DOCK3: variants seen among roughly 807,000 people sequenced by gnomAD.
The protein encoded by DOCK3 is dedicator of cytokinesis protein 3.
A neutral mutation model predicts 265.6 loss-of-function variants in DOCK3; 60 were observed. The observed-to-expected ratio is 0.23, with a 90% confidence interval of 0.18 to 0.28. The LOEUF (loss-of-function observed/expected upper bound fraction) is 0.28, where lower values mean the gene tolerates loss of function less well. Among genes scored for constraint, DOCK3 ranks in the 10% least tolerant of loss-of-function variants. DOCK3 has a pLI of 1.00. For synonymous variants in DOCK3, 881 were observed against 938.0 expected (o/e 0.94, Z 1.11); for missense variants, 1,981 against 2,594.3 (o/e 0.76, Z 5.14).
Position 50,948,026 on chromosome 3 carries a change from T to TCA in DOCK3, c.315+13949_315+13950insCA, listed in dbSNP as rs1491110043. Reference sequence around the variant, plus strand: ...ACCTGCCACCACGCCCAGCTAATTATTATTATTATTATTATTATTATTATT... The same window carrying TCA: ...ACCTGCCACCACGCCCAGCTAATTATCATATTATTATTATTATTATTATTATT... On this transcript the variant is annotated intron_variant, in intron 5 of 52. Coordinates refer to ENST00000266037, the MANE Select transcript of DOCK3 (RefSeq NM_004947.5). 1.8e-4 allele frequency among the ~76,000 whole-genome samples: 14 copies of TCA among 77,468 alleles called. No homozygotes were observed. The East Asian group carries it at 1.9e-3, about 10-fold the overall frequency. 50.8% of individuals were successfully genotyped at this position (77,468 alleles called of 152,430 possible). A position where few individuals can be genotyped will look rare whatever the true frequency, so the allele number is the denominator to read the frequency against.
At chr3:51,053,114 T>TAGATAGATAGATAGATAGATAG (rs1274449897) in intron 5 of DOCK3, among the ~76,000 whole-genome samples, 1 of 125,564 alleles carries the variant, frequency 8.0e-6, no homozygotes, top group African/African-American at 3.0e-5. Flanking sequence ...TATATATATA[T>TAGATAGATAGATAGATAGATAG]ATATATATGG....
intron 5 of DOCK3, 102 bp from the exon 6 acceptor site, chr3:51,064,346 C>A: frequency 7.0e-7 from 1 of 1,438,822 alleles, no homozygotes; most frequent in Middle Eastern, 2.5e-4. Context: ...CTTAGTAGTT[C>A]AGAGAAATGA....
chr3:50,872,448 C>G (rs992936193), intron 3 of DOCK3, among the ~76,000 whole-genome samples: 12 of 152,356 alleles, frequency 7.9e-5, no homozygotes, highest in African/African-American at 2.9e-4. Context: ...ACACAAGCAC[C>G]TCTGTGGTCA....
intron 2 of DOCK3, among the ~76,000 whole-genome samples, chr3:50,789,765 A>C (rs894689954): frequency 6.6e-6 from 1 of 152,120 alleles, no homozygotes; most frequent in Non-Finnish European, 1.5e-5. Context: ...TCTGTCTGTC[A>C]TCCAGGTTGG....
chr3:51,078,711 A>G lies in DOCK3; in HGVS notation c.549+3271A>G, dbSNP rs553845713. 2.6e-5 allele frequency among the ~76,000 whole-genome samples: 4 copies of G among 152,342 alleles called. No individual in the cohort carries two copies. In the South Asian group the frequency reaches 8.3e-4, roughly 32 times the overall value. On this transcript the variant is annotated intron_variant, in intron 7 of 52. Coordinates refer to ENST00000266037, the MANE Select transcript of DOCK3 (RefSeq NM_004947.5). ...CACATTATAAATCAAGTGGGAGAGT[A>G]GCCTAAAGAAAATTTTGGTCACTCA...
intron 1 of DOCK3, among the ~76,000 whole-genome samples, chr3:50,727,253 T>C (rs2037888470): frequency 6.6e-6 from 1 of 152,080 alleles, no homozygotes; most frequent in African/African-American, 2.4e-5. Context: ...ACTTTAAAGA[T>C]GAAGACATAG....
intron 12 of DOCK3, among the ~76,000 whole-genome samples, chr3:51,173,607 T>C (rs1022828070): frequency 2.0e-5 from 3 of 152,204 alleles, no homozygotes; most frequent in African/African-American, 7.2e-5. Flanking sequence ...GGAAAAGTAT[T>C]CTTGGGATTT....
chr3:51,248,990 G>GC (rs2078998573), intron 22 of DOCK3, among the ~76,000 whole-genome samples: 1 of 147,144 alleles, frequency 6.8e-6, no homozygotes. Flanking sequence ...GAGCCTCTCC[G>GC]CCCGGCAGCC....
At chr3:51,197,289 T>C (rs1246580241) in intron 12 of DOCK3, among the ~76,000 whole-genome samples, 2 of 152,108 alleles carry the variant, frequency 1.3e-5, no homozygotes, top group Admixed American at 6.5e-5. Flanking sequence ...GGTGGGTCAG[T>C]TGGTGGGCCT....
chr3:50,893,537 A>G (rs2048742574), intron 4 of DOCK3, among the ~76,000 whole-genome samples: 1 of 152,102 alleles, frequency 6.6e-6, no homozygotes, highest in African/African-American at 2.4e-5. Flanking sequence ...GAGCGAGTCA[A>G]CTTGAAGATA....
intron 2 of DOCK3, among the ~76,000 whole-genome samples, chr3:50,824,213 G>C (rs1044770425): frequency 6.6e-6 from 1 of 152,100 alleles, no homozygotes; most frequent in Non-Finnish European, 1.5e-5. Context: ...ATATTTCTGA[G>C]GTTTTCTATT....
intron 9 of DOCK3, among the ~76,000 whole-genome samples, chr3:51,108,041 C>CTTT (rs755768442): frequency 4.8e-4 from 69 of 142,272 alleles, no homozygotes; most frequent in East Asian, 4.4e-3. Context: ...ATTCAACATT[C>CTTT]TTTTTTTTTT....
At position 51,362,063 on chromosome 3, in the gene DOCK3, A is replaced by G. The variant is rs948981791; in HGVS notation, c.5145+66A>G. The G allele has an allele frequency of 8.5e-6, 13 of 1,523,156 alleles. No homozygotes were observed. In the Middle Eastern group the frequency reaches 8.7e-4, roughly 102 times the overall value. 94.4% of individuals were successfully genotyped at this position (1,523,156 alleles called of 1,614,324 possible). A position where few individuals can be genotyped will look rare whatever the true frequency, so the allele number is the denominator to read the frequency against. On this transcript the variant is annotated intron_variant, in intron 48 of 52. Transcript: ENST00000266037. ...CTACAGAACTCACCTTGCTGTTGCAATGTCTAGTCTGAGGGCTTGGCAACC... is the reference window on the plus strand; with the variant it reads ...CTACAGAACTCACCTTGCTGTTGCAGTGTCTAGTCTGAGGGCTTGGCAACC...
At position 51,352,598 on chromosome 3, in the gene DOCK3, C is replaced by T. The variant is rs1294417946; in HGVS notation, c.4107+2206C>T. ...AGGAAATATCACCCATCAATCGATT[C>T]CCATCTCCACACAAGATGCAATCTC... On this transcript the variant is annotated intron_variant, in intron 40 of 52. Transcript: ENST00000266037. 3.3e-5 allele frequency among the ~76,000 whole-genome samples: 5 copies of T among 152,220 alleles called. No homozygotes were observed. In the South Asian group the frequency reaches 8.3e-4, roughly 25 times the overall value.
chr3:50,849,449 CTTTA>C (rs768802560), intron 3 of DOCK3, among the ~76,000 whole-genome samples: 12 of 151,666 alleles, frequency 7.9e-5, no homozygotes, highest in African/African-American at 2.2e-4. Context: ...TATACATTTG[CTTTA>C]TTTATTTATT....
At chr3:51,215,981 GAA>G (rs3215254) in intron 14 of DOCK3, among the ~76,000 whole-genome samples, 10 of 139,708 alleles carry the variant, frequency 7.2e-5, no homozygotes, top group African/African-American at 1.8e-4. Flanking sequence ...TCTTGACTAT[GAA>G]AAAAAAAAAA....
rs2039486729 is a variant in DOCK3, at chr3:50,746,992, G to T, written c.38-31683G>T. On this transcript the variant is annotated intron_variant, in intron 1 of 52. Coordinates refer to ENST00000266037, the MANE Select transcript of DOCK3 (RefSeq NM_004947.5). The stretch of plus-strand genomic sequence containing the variant: ...AGTTTTCTTTTTAATACGGTACAAG[G>T]TATGGATTCAAGTACATTTTTTTTC... Among the ~76,000 whole-genome samples, 4 of 111,996 alleles carry T rather than the reference G, an allele frequency of 3.6e-5. No individual in the cohort carries two copies. The South Asian group carries it at 1.4e-3, about 38-fold the overall frequency. The allele number at this position is 111,996 out of a possible 152,430, so 73.5% of individuals were successfully genotyped here. A position where few individuals can be genotyped will look rare whatever the true frequency, so the allele number is the denominator to read the frequency against.
intron 19 of DOCK3, 106 bp downstream of exon 19, chr3:51,229,715 G>T (rs2090467336): frequency 3.8e-6 from 3 of 786,758 alleles, no homozygotes; most frequent in Non-Finnish European, 5.5e-6. Context: ...TGTTTCATCA[G>T]ATTTTTGTTG....
chr3:51,346,146 T>G (rs13326334), intron 38 of DOCK3, among the ~76,000 whole-genome samples: 3 of 152,176 alleles, frequency 2.0e-5, no homozygotes, highest in African/African-American at 7.2e-5. Context: ...GAGGTATATA[T>G]ATTTTTAATT....
Sources: gnomAD v4.1 joint callset for allele counts (sites outside exome capture counted in the v4.1 genomes callset) on GRCh38, gnomAD v4.1.1 for gene constraint, MANE v1.5 for transcripts, NCBI Gene and HGNC (gene_info 2026-07-23, HGNC 2026-07-21) for gene names.